Variants in KIAA1614 observed in about 807,000 individuals in gnomAD.
The protein encoded by KIAA1614 is uncharacterized protein KIAA1614.
KIAA1614 carries 76 observed loss-of-function variants against 88.7 expected under a neutral mutation model. The observed-to-expected ratio is 0.86, with a 90% CI of 0.71 to 1.04. The LOEUF (loss-of-function observed/expected upper bound fraction) is 1.04. KIAA1614 is among the 50% of genes least tolerant of loss of function. The probability of loss-of-function intolerance (pLI) is 0.00; values close to 1 mark genes in which losing one functional copy is unlikely to be tolerated. For missense variants in KIAA1614, 1,553 were observed against 1,582.5 expected, an observed-to-expected ratio of 0.98 and a Z score of 0.32; for synonymous variants, 714 against 675.5, an observed-to-expected ratio of 1.06 and a Z score of -0.88.
rs1558070254 is a variant in KIAA1614 at position 180,935,807 on chromosome 1, C to T, written c.1898C>T (p.Ala633Val). 1 of 1,613,764 alleles carries T rather than the reference C, an allele frequency of 6.2e-7. No individual in the cohort carries two copies. Among genetic ancestry groups the T allele is most frequent in the Non-Finnish European group, 8.5e-7 (1 of 1,179,928 alleles). Reference protein sequence around the residue: ...TDSEEAGTSQAGWACGRTQGS... With the variant: ...TDSEEAGTSQVGWACGRTQGS... ...AGTGAGGAGGCGGGGACCTCTCAGGCTGGCTGGGCGTGTGGGCGGACCCAA... is the reference window on the plus strand; with the variant it reads ...AGTGAGGAGGCGGGGACCTCTCAGGTTGGCTGGGCGTGTGGGCGGACCCAA... Residue 633 changes from alanine to valine, a missense_variant, in exon 5 of 9, where the codon GCT (alanine) becomes GTT (valine). Coordinates refer to ENST00000367588, the MANE Select transcript of KIAA1614 (RefSeq NM_020950.2). This position sits in a 1 kb window ranked among gnomAD's most constrained non-coding sequence, Gnocchi z 6.1.
In KIAA1614 at chr1:180,944,409, T is replaced by A. The variant is rs1318559641; in HGVS notation, c.3180T>A (p.Arg1060=). The A allele has an allele frequency of 1.2e-6, 2 of 1,613,614 alleles. No homozygotes were observed. The highest frequency in any genetic ancestry group is 2.7e-5 in the African/African-American group (2 of 74,886). The change falls in exon 8 of 9, where the codon CGT becomes CGA. Residue 1060 remains arginine (R), a synonymous_variant. Transcript: ENST00000367588. ...ATCAGGTGTCACCCTCTCACCAGCG[T>A]CGGAAAGCTGCCTCTTTTCAGAACC... is the stretch of plus-strand genomic sequence containing the variant. ...SLHPVSPSHQ[R]RKAASFQNLH... is the part of the protein sequence containing the mutation.
intron 6 of KIAA1614, among the ~76,000 whole-genome samples, chr1:180,940,569 G>C (rs946858311): frequency 4.6e-5 from 7 of 152,042 alleles, no homozygotes; most frequent in Non-Finnish European, 8.8e-5. Context: ...ATGGCGGGGG[G>C]CTTGCCTGAG....
rs1553260082 is a variant in KIAA1614, at chr1:180,943,033, T to TTTTTTTTTTGTTTG, written c.3160-1347_3160-1346insGTTTGTTTTTTTTT. ...TGGGAGGCTTAGTTTTTTGGGTTTTTTTTTTTTTTTTAAGATGGAGTCTCA... is the reference window on the plus strand; with the variant it reads ...TGGGAGGCTTAGTTTTTTGGGTTTTTTTTTTTTTTGTTTGTTTTTTTTTTTAAGATGGAGTCTCA... On this transcript the variant is annotated intron_variant, in intron 7 of 8. Transcript: ENST00000367588. 1.1e-3 allele frequency among the ~76,000 whole-genome samples: 72 copies of TTTTTTTTTTGTTTG among 66,652 alleles called. No individual in the cohort carries two copies. In the East Asian group the frequency reaches 0.019, roughly 18 times the overall value. The allele number at this position is 66,652 out of a possible 152,430, so 43.7% of individuals were successfully genotyped here.
rs759694801 is a variant in KIAA1614, at chr1:180,941,293, CA to C, written c.3159+9del. 46 of 1,597,478 alleles carry C rather than the reference CA, an allele frequency of 2.9e-5. No individual in the cohort carries two copies. In the South Asian group the frequency reaches 4.7e-4, roughly 16 times the overall value. On this transcript the variant is annotated intron_variant, in intron 7 of 8. Transcript: ENST00000367588. ...TTACAATCCCTGCACCCGGTGAGTCCAGGGGCCCCAGCCCAGGGAGTGAAGC... is the reference window on the plus strand; with the variant it reads ...TTACAATCCCTGCACCCGGTGAGTCCGGGGCCCCAGCCCAGGGAGTGAAGC...
In KIAA1614 at chr1:180,950,580, A is replaced by G. The variant is rs1654709930; in HGVS notation, c.*4992A>G. The G allele has an allele frequency of 9.6e-7, 1 of 1,039,134 alleles. No individual in the cohort carries two copies. Among genetic ancestry groups the G allele is most frequent in the Non-Finnish European group, 1.2e-6 (1 of 847,048 alleles). The allele number at this position is 1,039,134 out of a possible 1,614,324, so 64.4% of individuals were successfully genotyped here. On this transcript the variant is annotated 3_prime_UTR_variant, in exon 9 of 9. Coordinates refer to ENST00000367588, the MANE Select transcript of KIAA1614 (RefSeq NM_020950.2). ...ACTGTCACGGCCTCGGAAGCCCTGAAGCACTCAGGGTGGTTGGCAGGAACG... is the reference window on the plus strand; with the variant it reads ...ACTGTCACGGCCTCGGAAGCCCTGAGGCACTCAGGGTGGTTGGCAGGAACG...
rs1185817072 is a variant in KIAA1614 at position 180,933,005 on chromosome 1, G to T, written c.1206-2110G>T. On this transcript the variant is annotated intron_variant, in intron 4 of 8. Transcript: ENST00000367588. ...ATCCGACCACCTTGGCCTTCAAAGT[G>T]CTAGGATCACAGGCGTGAGCCACTG... is the stretch of plus-strand genomic sequence containing the variant. 2.0e-5 allele frequency among the ~76,000 whole-genome samples: 3 copies of T among 152,144 alleles called. No homozygotes were observed. The South Asian group carries it at 6.2e-4, about 32-fold the overall frequency.
intron 5 of KIAA1614, 119 bp from the exon 6 acceptor site, chr1:180,938,436 T>G: frequency 3.2e-5 from 37 of 1,153,672 alleles, no homozygotes; most frequent in Non-Finnish European, 3.9e-5. Flanking sequence ...CTGCTCTCCT[T>G]GAGCTCCACC....
intron 3 of KIAA1614, among the ~76,000 whole-genome samples, chr1:180,919,357 C>G (rs998601788): frequency 1.3e-5 from 2 of 152,208 alleles, no homozygotes; most frequent in African/African-American, 2.4e-5. Flanking sequence ...GCCGCTGTTT[C>G]CAGACCCTCC....
chr1:180,918,307 A>G (rs1309820954), intron 3 of KIAA1614, among the ~76,000 whole-genome samples: 1 of 152,174 alleles, frequency 6.6e-6, no homozygotes, highest in African/African-American at 2.4e-5. Context: ...ACTGGGGAAA[A>G]TGTACAAAGC....
chr1:180,926,937 G>A lies in KIAA1614; in HGVS notation c.1062-1493G>A, dbSNP rs12565765. On this transcript the variant is annotated intron_variant, in intron 3 of 8. Transcript: ENST00000367588. ...CCCTCCTTGTTCCAAAGCCATGCCT[G>A]GGCCCTGCCAGGGTTCACAGGCACA... 2.7e-4 allele frequency among the ~76,000 whole-genome samples: 41 copies of A among 152,342 alleles called. 1 individual carries two copies. The East Asian group carries it at 7.5e-3, about 28-fold the overall frequency.
At chr1:180,934,721 A>G (rs530585463) in intron 4 of KIAA1614, among the ~76,000 whole-genome samples, 18 of 152,338 alleles carry the variant, frequency 1.2e-4, no homozygotes, top group Admixed American at 8.5e-4. Context: ...TACCAAAAAT[A>G]CATGGTGGTC....
At chr1:180,933,679 G>T (rs1035197219) in intron 4 of KIAA1614, among the ~76,000 whole-genome samples, 20 of 152,176 alleles carry the variant, frequency 1.3e-4, no homozygotes, top group African/African-American at 4.8e-4. Context: ...ATGTGTACAG[G>T]TGTCTTCCGG....
chr1:180,940,644 C>T (rs1349128217), intron 6 of KIAA1614, among the ~76,000 whole-genome samples: 1 of 151,560 alleles, frequency 6.6e-6, no homozygotes, highest in Non-Finnish European at 1.5e-5. Flanking sequence ...CTTTTCTTTT[C>T]TTTTCTTTCT....
chr1:180,917,770 T>C, intron 2 of KIAA1614, 81 bp from the exon 3 acceptor site: 1 of 1,137,998 alleles, frequency 8.8e-7, no homozygotes, highest in South Asian at 1.2e-5. Context: ...GAGAAACTCT[T>C]CTCCTCAGTG....
Position 180,936,136 on chromosome 1 carries a change from T to C in KIAA1614, c.2227T>C (p.Cys743Arg), listed in dbSNP as rs1305996144. 1 of 1,614,120 alleles carries C rather than the reference T, an allele frequency of 6.2e-7. No homozygotes were observed. Among genetic ancestry groups the C allele is most frequent in the Non-Finnish European group, 8.5e-7 (1 of 1,179,996 alleles). The change falls in exon 5 of 9, where the codon TGC becomes CGC. Residue 743 changes from cysteine to arginine, a missense_variant. Transcript: ENST00000367588. ...QPHPLDSRTP[C>R]RTAYATTAPM... Reference sequence around the variant, plus strand: ...TCACCCTTTGGATTCCCGGACTCCATGCAGGACAGCCTATGCCACCACCGC... The same window carrying C: ...TCACCCTTTGGATTCCCGGACTCCACGCAGGACAGCCTATGCCACCACCGC...
chr1:180,916,048 C>G (rs1653786145), intron 1 of KIAA1614, 106 bp from the exon 2 acceptor site: 2 of 695,602 alleles, frequency 2.9e-6, no homozygotes, highest in African/African-American at 3.6e-5. Flanking sequence ...CTCCAGGTTA[C>G]TTTCATCTGG....
chr1:180,936,689 T>C lies in KIAA1614; in HGVS notation c.2761+19T>C, dbSNP rs1654343881. The C allele has an allele frequency of 6.9e-7, 1 of 1,451,594 alleles. No individual in the cohort carries two copies. Among genetic ancestry groups the C allele is most frequent in the African/African-American group, 1.4e-5 (1 of 70,714 alleles). The allele number at this position is 1,451,594 out of a possible 1,614,324, so 89.9% of individuals were successfully genotyped here. A position where few individuals can be genotyped will look rare whatever the true frequency, so the allele number is the denominator to read the frequency against. On this transcript the variant is annotated intron_variant, in intron 5 of 8. Coordinates refer to ENST00000367588, the MANE Select transcript of KIAA1614 (RefSeq NM_020950.2). ...AGAGATGGTAAGGGGCTGCCGCTGG[T>C]TCCTGCCCAGCCCAGGCCTGGTGTG...
intron 3 of KIAA1614, among the ~76,000 whole-genome samples, chr1:180,918,609 G>A (rs185891493): frequency 7.2e-5 from 11 of 152,290 alleles, no homozygotes; most frequent in African/African-American, 2.6e-4. Context: ...CAGTCTTTGC[G>A]AGGCTCCTGG....
intron 3 of KIAA1614, among the ~76,000 whole-genome samples, chr1:180,922,618 AAGCTTAATATGTTAATT>A: frequency 6.6e-6 from 1 of 152,316 alleles, no homozygotes. Context: ...CAGGCTTTTA[AAGCTTAATATGTTAATT>A]AGCATTTTTG....
Sources: allele counts gnomAD v4.1 joint callset (sites outside exome capture counted in the v4.1 genomes callset), GRCh38; gene constraint gnomAD v4.1.1; non-coding constraint Gnocchi (gnomAD v3.1); transcripts MANE v1.5; gene names NCBI Gene and HGNC (gene_info 2026-07-23, HGNC 2026-07-21).